EXOC4: variants seen among roughly 807,000 people sequenced by gnomAD.
The protein encoded by EXOC4 is SEC8-like 1.
In EXOC4, 71 loss-of-function variants were observed where a neutral mutation model predicts 107.2. That is an observed-to-expected ratio of 0.66 (90% CI 0.55 to 0.81). The LOEUF is 0.81. EXOC4 is among the 30% of genes least tolerant of loss of function. EXOC4 has a pLI of 0.00. For synonymous variants in EXOC4, 456 were observed against 441.2 expected, an observed-to-expected ratio of 1.03 and a Z score of -0.42; for missense variants, 1,108 against 1,189.6, an observed-to-expected ratio of 0.93 and a Z score of 1.01.
chr7:133,768,971 G>A (rs1349209842), intron 10 of EXOC4, among the ~76,000 whole-genome samples: 2 of 152,000 alleles, frequency 1.3e-5, no homozygotes, highest in African/African-American at 4.8e-5. Context: ...AAATTAGGCA[G>A]ATGAAGACAG....
chr7:133,855,156 AAT>A (rs1215659151), intron 11 of EXOC4, among the ~76,000 whole-genome samples: 2 of 129,696 alleles, frequency 1.5e-5, no homozygotes, highest in African/African-American at 6.5e-5. Context: ...TATATATATA[AAT>A]ATATATATTT....
chr7:133,280,597 A>T (rs1344997125), intron 2 of EXOC4, among the ~76,000 whole-genome samples: 2 of 152,294 alleles, frequency 1.3e-5, no homozygotes, highest in Admixed American at 6.5e-5. Context: ...TGACCACCCT[A>T]TTGGTGCTAG....
intron 10 of EXOC4, among the ~76,000 whole-genome samples, chr7:133,682,583 C>G (rs1257050517): frequency 2.0e-5 from 3 of 152,188 alleles, no homozygotes. Context: ...TAATACACCC[C>G]ATGTCTGGAA....
chr7:133,421,545 T>C (rs754319718), intron 7 of EXOC4, among the ~76,000 whole-genome samples: 4 of 152,236 alleles, frequency 2.6e-5, no homozygotes, highest in Admixed American at 1.3e-4. Flanking sequence ...AGGAAAGTTA[T>C]GGAGAAAGAG....
the EXOC4 span, among the ~76,000 whole-genome samples, chr7:134,086,980 G>A: frequency 5.3e-5 from 8 of 152,088 alleles, no homozygotes; most frequent in Non-Finnish European, 4.4e-5. Context: ...CACTCTTCAT[G>A]GCCATCTTGG....
At chr7:133,637,932 C>T (rs1467220779) in intron 10 of EXOC4, among the ~76,000 whole-genome samples, 1 of 152,072 alleles carries the variant, frequency 6.6e-6, no homozygotes, top group Non-Finnish European at 1.5e-5. Context: ...AAGATATCAA[C>T]CCATGTATCT....
intron 9 of EXOC4, among the ~76,000 whole-genome samples, chr7:133,529,132 A>G (rs868846302): frequency 3.9e-5 from 6 of 152,226 alleles, no homozygotes; most frequent in East Asian, 1.9e-4. Flanking sequence ...GAAAAACTCT[A>G]TTGGCCCCAT....
rs573857414 is a variant in EXOC4, at chr7:133,761,428, C to T, written c.1515-55897C>T. On this transcript the variant is annotated intron_variant, in intron 10 of 17. Transcript: ENST00000253861. The stretch of plus-strand genomic sequence containing the variant: ...TGAATCTCTCGGTAAAAATTATTGC[C>T]GGATTATATGGAAAAGAGTCAATCT... Among the ~76,000 whole-genome samples, 40 of 152,026 alleles carry T rather than the reference C, an allele frequency of 2.6e-4. 1 individual carries two copies. The highest frequency in any genetic ancestry group is 2.9e-5 in the Non-Finnish European group (2 of 67,980).
chr7:134,067,314 C>T (rs1041217316), downstream of EXOC4, among the ~76,000 whole-genome samples: 2 of 152,010 alleles, frequency 1.3e-5, no homozygotes, highest in African/African-American at 2.4e-5. Context: ...AGTAGGCCCA[C>T]GGGAGTAGGA....
intron 11 of EXOC4, among the ~76,000 whole-genome samples, chr7:133,823,845 A>AT (rs1797591652): frequency 1.9e-3 from 3 of 1,584 alleles, no homozygotes; most frequent in Admixed American, 7.8e-3. Flanking sequence ...TATATATATT[A>AT]TATATATATA....
chr7:133,634,927 T>G (rs1233500090), intron 10 of EXOC4, among the ~76,000 whole-genome samples: 3 of 152,078 alleles, frequency 2.0e-5, no homozygotes, highest in Admixed American at 2.0e-4. Flanking sequence ...ACTGATGCCT[T>G]TTTTTCTTCC....
At chr7:134,097,269 T>C in the EXOC4 span, among the ~76,000 whole-genome samples, 14 of 152,122 alleles carry the variant, frequency 9.2e-5, no homozygotes, top group Admixed American at 5.9e-4. Flanking sequence ...AGATCAACTG[T>C]CTCAGACTGT....
chr7:133,511,352 A>G (rs1001781434), intron 9 of EXOC4, among the ~76,000 whole-genome samples: 1 of 152,194 alleles, frequency 6.6e-6, no homozygotes, highest in African/African-American at 2.4e-5. Flanking sequence ...GGGGCAAAAA[A>G]AATATTGTGG....
chr7:134,072,366 TG>T, the EXOC4 span, among the ~76,000 whole-genome samples: 1 of 151,888 alleles, frequency 6.6e-6, no homozygotes, highest in African/African-American at 2.4e-5. Flanking sequence ...TAAACCTGGG[TG>T]GGGTTTTGCT....
chr7:133,773,421 G>A (rs1796283985), intron 10 of EXOC4, among the ~76,000 whole-genome samples: 1 of 151,664 alleles, frequency 6.6e-6, no homozygotes, highest in African/African-American at 2.4e-5. Context: ...TTTAGTACAA[G>A]AAGTGTGGAG....
chr7:134,064,187 T>C (rs1457933450), intron 17 of EXOC4, 104 bp from the exon 18 acceptor site: 2 of 677,022 alleles, frequency 3.0e-6, no homozygotes, highest in Non-Finnish European at 4.6e-6. Context: ...GATCAATCGT[T>C]ATGAAGTAAG....
intron 9 of EXOC4, among the ~76,000 whole-genome samples, chr7:133,628,339 C>T (rs997941671): frequency 1.9e-4 from 29 of 152,192 alleles, no homozygotes; most frequent in Non-Finnish European, 2.9e-5. Context: ...TGTTGGCCCA[C>T]TTCAAGCCTT....
the EXOC4 span, among the ~76,000 whole-genome samples, chr7:134,076,962 G>A: frequency 6.7e-6 from 1 of 150,126 alleles, no homozygotes; most frequent in East Asian, 1.9e-4. Flanking sequence ...CTGCATATGT[G>A]TGTGTGTGTG....
chr7:133,896,670 A>G (rs545119500), intron 12 of EXOC4, among the ~76,000 whole-genome samples: 200 of 149,252 alleles, frequency 1.3e-3, no homozygotes, highest in Non-Finnish European at 2.5e-3. Flanking sequence ...TTATTTATTT[A>G]TTCATTTATT....
Sources: allele counts gnomAD v4.1 joint callset (sites outside exome capture counted in the v4.1 genomes callset), GRCh38; gene constraint gnomAD v4.1.1; transcripts MANE v1.5; gene names NCBI Gene and HGNC (gene_info 2026-07-23, HGNC 2026-07-21).